The following RBFOX1 variants were observed in gnomAD, a reference collection of about 807,000 sequenced individuals.
RBFOX1 encodes the protein RNA binding protein fox-1 homolog 1.
A neutral mutation model predicts 57.7 loss-of-function variants in RBFOX1; 8 were observed. That is an observed-to-expected ratio of 0.14 (90% CI 0.08 to 0.25). The LOEUF (loss-of-function observed/expected upper bound fraction) is 0.25. Among genes scored for constraint, RBFOX1 ranks in the 10% least tolerant of loss-of-function variants. RBFOX1 has a pLI of 1.00. For synonymous variants in RBFOX1, 326 were observed against 222.4 expected, an observed-to-expected ratio of 1.47 and a Z score of -4.15; for missense variants, 611 against 548.5, an observed-to-expected ratio of 1.11 and a Z score of -1.14.
intron 3 of RBFOX1, among the ~76,000 whole-genome samples, chr16:6,681,261 T>C (rs1306423101): frequency 3.3e-5 from 5 of 152,124 alleles, no homozygotes; most frequent in African/African-American, 1.2e-4. Context: ...GAAGTTGCAG[T>C]GAGCCAGGAT....
chr16:6,545,682 C>T (rs1599431143), intron 2 of RBFOX1, among the ~76,000 whole-genome samples: 1 of 152,172 alleles, frequency 6.6e-6, no homozygotes, highest in Admixed American at 6.5e-5. Context: ...GTCCCCAGAA[C>T]CCATGTTAGT....
chr16:5,899,216 T>C (rs2058246891), intron 4 of RBFOX1, among the ~76,000 whole-genome samples: 1 of 151,162 alleles, frequency 6.6e-6, no homozygotes, highest in Non-Finnish European at 1.5e-5. Context: ...TCTTCAGGTG[T>C]TGATATATAC....
chr16:5,450,368 T>G lies in RBFOX1; in HGVS notation c.220-16848T>G, dbSNP rs551355087. On this transcript the variant is annotated intron_variant, in intron 1 of 2. Transcript: ENST00000585867. ...GAAGAGTGATCGATTGGCTGCAGGC[T>G]TATTACTCATGGATTTCTTTGGCCT... 3.9e-5 allele frequency among the ~76,000 whole-genome samples: 6 copies of G among 152,260 alleles called. No homozygotes were observed. The East Asian group carries it at 1.2e-3, about 29-fold the overall frequency.
intron 4 of RBFOX1, among the ~76,000 whole-genome samples, chr16:7,192,095 G>T (rs2085530802): frequency 6.6e-6 from 1 of 152,132 alleles, no homozygotes; most frequent in Non-Finnish European, 1.5e-5. Context: ...CAAAACCAGA[G>T]AAAGGGGGAT....
intron 1 of RBFOX1, among the ~76,000 whole-genome samples, chr16:6,274,495 G>A (rs996338940): frequency 3.3e-5 from 5 of 152,164 alleles, no homozygotes; most frequent in African/African-American, 7.2e-5. Flanking sequence ...TAATGGAAAT[G>A]GAGAACAGAT....
chr16:6,806,678 T>C (rs1251668019), intron 3 of RBFOX1, among the ~76,000 whole-genome samples: 1 of 151,388 alleles, frequency 6.6e-6, no homozygotes, highest in African/African-American at 2.4e-5. Context: ...AAAATGATAA[T>C]ATTGATATTA....
At chr16:7,521,668 C>T (rs960114362) in intron 5 of RBFOX1, among the ~76,000 whole-genome samples, 3 of 152,046 alleles carry the variant, frequency 2.0e-5, no homozygotes, top group African/African-American at 7.2e-5. Flanking sequence ...TGATAACGTG[C>T]CAAATTCTAG....
intron 3 of RBFOX1, among the ~76,000 whole-genome samples, chr16:6,923,935 TGA>T (rs1425640174): frequency 6.6e-6 from 1 of 152,058 alleles, no homozygotes; most frequent in Non-Finnish European, 1.5e-5. Flanking sequence ...CTTTGGAGGC[TGA>T]GTCAGGCAGA....
chr16:6,365,093 T>G (rs542702923), intron 2 of RBFOX1, among the ~76,000 whole-genome samples: 1 of 82,084 alleles, frequency 1.2e-5, no homozygotes, highest in South Asian at 2.6e-4. Context: ...GGATTCACCC[T>G]TAAAAAAAAG....
At chr16:7,035,638 T>C (rs2044186015) in intron 3 of RBFOX1, among the ~76,000 whole-genome samples, 1 of 152,308 alleles carries the variant, frequency 6.6e-6, no homozygotes, top group South Asian at 2.1e-4. Flanking sequence ...CTCTCTGAGC[T>C]CGGTCATTAC....
At chr16:7,243,042 A>G (rs2094141236) in intron 4 of RBFOX1, among the ~76,000 whole-genome samples, 1 of 152,150 alleles carries the variant, frequency 6.6e-6, no homozygotes, top group South Asian at 2.1e-4. Context: ...CATTTTTAAT[A>G]TAAATTGGTA....
At chr16:6,660,987 T>A (rs2098697914) in intron 3 of RBFOX1, among the ~76,000 whole-genome samples, 1 of 152,092 alleles carries the variant, frequency 6.6e-6, no homozygotes, top group Non-Finnish European at 1.5e-5. Flanking sequence ...AAATAATGAA[T>A]TAATGAAGAG....
chr16:5,824,513 G>A (rs2055968671), intron 3 of RBFOX1, among the ~76,000 whole-genome samples: 1 of 152,228 alleles, frequency 6.6e-6, no homozygotes. Context: ...GCTGCAGGGT[G>A]ACTTTAGGCT....
intron 13 of RBFOX1, 87 bp downstream of exon 13, chr16:7,665,055 G>A (rs1045589570): frequency 7.9e-5 from 127 of 1,611,020 alleles, no homozygotes; most frequent in African/African-American, 1.9e-4. Context: ...TCTACTTGGC[G>A]TAGTTGAGTT....
At chr16:7,045,981 C>A (rs571916062) in intron 3 of RBFOX1, among the ~76,000 whole-genome samples, 3 of 151,994 alleles carry the variant, frequency 2.0e-5, no homozygotes, top group African/African-American at 7.3e-5. Flanking sequence ...TATTAATTAA[C>A]GAAAATCAAT....
intron 3 of RBFOX1, among the ~76,000 whole-genome samples, chr16:7,012,403 T>G (rs1296492638): frequency 6.6e-6 from 1 of 152,170 alleles, no homozygotes; most frequent in Non-Finnish European, 1.5e-5. Flanking sequence ...TCCTTCAGGT[T>G]TCTGAGGCCA....
Position 7,324,560 on chromosome 16 carries a change from G to C in RBFOX1, c.28-193587G>C, listed in dbSNP as rs182760561. On this transcript the variant is annotated intron_variant, in intron 4 of 15. Coordinates refer to ENST00000550418, the MANE Select transcript of RBFOX1 (RefSeq NM_018723.4). ...AGAGGTCGGTTCCTGAGGCATTGTT[G>C]ATCTCAGCAGAGATGATGTGCAGGG... 9.8e-5 allele frequency among the ~76,000 whole-genome samples: 15 copies of C among 152,336 alleles called. No homozygotes were observed. The East Asian group carries it at 2.9e-3, about 29-fold the overall frequency.
intron 1 of RBFOX1, among the ~76,000 whole-genome samples, chr16:6,091,041 A>T (rs780391531): frequency 6.6e-6 from 1 of 152,212 alleles, no homozygotes; most frequent in African/African-American, 2.4e-5. Context: ...ACATTGATCA[A>T]TTCTTTCTGT....
Position 6,097,363 on chromosome 16 carries a change from G to A in RBFOX1, c.-127+77371G>A, listed in dbSNP as rs577209124. ...TTGGGTGGATATTAAAATTTTGCAA[G>A]CCGCCACTCTAGAGAAGTACCACTC... On this transcript the variant is annotated intron_variant, in intron 1 of 15. Transcript: ENST00000550418. This position sits in a 1 kb window ranked among gnomAD's most constrained non-coding sequence, Gnocchi z 5.0. Among the ~76,000 whole-genome samples, 27 of 152,176 alleles carry A rather than the reference G, an allele frequency of 1.8e-4. No homozygotes were observed. Among genetic ancestry groups the A allele is most frequent in the African/African-American group, 6.3e-4 (26 of 41,510 alleles).
Sources: allele counts gnomAD v4.1 joint callset (sites outside exome capture counted in the v4.1 genomes callset), GRCh38; gene constraint gnomAD v4.1.1; non-coding constraint Gnocchi (gnomAD v3.1); transcripts MANE v1.5; gene names NCBI Gene and HGNC (gene_info 2026-07-23, HGNC 2026-07-21).